Variants in HMGCLL1 observed in about 807,000 individuals in gnomAD.
HMGCLL1 encodes 3-hydroxymethyl-3-methylglutaryl-CoA lyase, cytoplasmic.
Under a neutral mutation model 39.1 loss-of-function variants are expected in HMGCLL1, and 36 were observed. The ratio of observed to expected loss-of-function variants is 0.92; its 90% confidence interval spans 0.71 to 1.22. The LOEUF (loss-of-function observed/expected upper bound fraction) is 1.22, where lower values mean the gene tolerates loss of function less well. Ranked by LOEUF, HMGCLL1 falls within the 50% of genes most tolerant of loss-of-function variation. HMGCLL1 has a pLI of 0.00. For synonymous variants in HMGCLL1, 149 were observed against 144.0 expected, an observed-to-expected ratio of 1.03 and a Z score of -0.25; for missense variants, 451 against 416.5, an observed-to-expected ratio of 1.08 and a Z score of -0.72.
chr6:55,645,592 G>T, the HMGCLL1 span, among the ~76,000 whole-genome samples: 1 of 151,932 alleles, frequency 6.6e-6, no homozygotes, highest in Admixed American at 6.6e-5. Flanking sequence ...CATTTTCTGA[G>T]AAGTTTTAAC....
chr6:55,677,023 G>A, the HMGCLL1 span, among the ~76,000 whole-genome samples: 2 of 152,220 alleles, frequency 1.3e-5, no homozygotes, highest in Admixed American at 1.3e-4. Context: ...TATACTCTGA[G>A]TGTTAGCAAA....
the HMGCLL1 span, among the ~76,000 whole-genome samples, chr6:55,635,914 A>T: frequency 6.6e-6 from 1 of 152,152 alleles, no homozygotes; most frequent in East Asian, 1.9e-4. Context: ...TGAACACAGA[A>T]GCTGCTCTGG....
chr6:55,561,271 A>G (rs977628975), intron 1 of HMGCLL1, among the ~76,000 whole-genome samples: 2 of 152,200 alleles, frequency 1.3e-5, no homozygotes, highest in African/African-American at 4.8e-5. Flanking sequence ...TAAAACATTG[A>G]TCCTTTTTGT....
intron 8 of HMGCLL1, among the ~76,000 whole-genome samples, chr6:55,438,178 A>T (rs1763446132): frequency 6.6e-6 from 1 of 152,114 alleles, no homozygotes; most frequent in Non-Finnish European, 1.5e-5. Flanking sequence ...TTATGTCATT[A>T]GCTTCTGATA....
At chr6:55,656,234 T>C in the HMGCLL1 span, among the ~76,000 whole-genome samples, 2 of 151,954 alleles carry the variant, frequency 1.3e-5, no homozygotes, top group African/African-American at 4.8e-5. Flanking sequence ...AATCTAGATG[T>C]CATGTTTTAC....
the HMGCLL1 span, among the ~76,000 whole-genome samples, chr6:55,642,834 C>T: frequency 6.6e-6 from 1 of 151,970 alleles, no homozygotes; most frequent in Admixed American, 6.6e-5. Flanking sequence ...TTGTTCCCCT[C>T]TTTGTGTTAA....
chr6:55,607,864 T>C, the HMGCLL1 span, among the ~76,000 whole-genome samples: 1 of 152,150 alleles, frequency 6.6e-6, no homozygotes, highest in Admixed American at 6.5e-5. Context: ...TGCCACTAAA[T>C]ATTTGTGAGT....
chr6:55,578,670 A>C lies in HMGCLL1; in HGVS notation c.108+278T>G, dbSNP rs556850800. Among the ~76,000 whole-genome samples, 9 of 152,332 alleles carry C rather than the reference A, an allele frequency of 5.9e-5. No individual in the cohort carries two copies. In the East Asian group the frequency reaches 1.7e-3, roughly 29 times the overall value. On this transcript the variant is annotated intron_variant, in intron 1 of 8. Coordinates refer to ENST00000274901, the MANE Select transcript of HMGCLL1 (RefSeq NM_001042406.2). ...ACGTAATGCATCCCTTTCCAGGAAAACACAGAGAAGGAATTCTTTTCTTTA... is the reference window on the plus strand; with the variant it reads ...ACGTAATGCATCCCTTTCCAGGAAACCACAGAGAAGGAATTCTTTTCTTTA...
At chr6:55,580,560 C>A (rs1420327358), upstream of HMGCLL1, among the ~76,000 whole-genome samples, 1 of 151,458 alleles carries the variant, frequency 6.6e-6, no homozygotes, top group East Asian at 1.9e-4. Context: ...GGACTACAGG[C>A]GCCGGCCGCC....
chr6:55,558,957 C>T (rs1008931441), intron 1 of HMGCLL1, among the ~76,000 whole-genome samples: 1 of 152,110 alleles, frequency 6.6e-6, no homozygotes, highest in Non-Finnish European at 1.5e-5. Flanking sequence ...CTGATTTCCA[C>T]CCCAAGGTAG....
chr6:55,510,506 T>C (rs1161049040), intron 5 of HMGCLL1, among the ~76,000 whole-genome samples: 1 of 150,452 alleles, frequency 6.6e-6, no homozygotes, highest in Middle Eastern at 3.2e-3. Context: ...ATGGATGAAA[T>C]TGGAAATCAT....
At chr6:55,551,301 A>C (rs948514578) in intron 1 of HMGCLL1, among the ~76,000 whole-genome samples, 2 of 151,904 alleles carry the variant, frequency 1.3e-5, no homozygotes, top group Non-Finnish European at 2.9e-5. Flanking sequence ...AAAATGAGAA[A>C]TAGGAGGACC....
At chr6:55,589,510 C>A in the HMGCLL1 span, among the ~76,000 whole-genome samples, 4 of 152,282 alleles carry the variant, frequency 2.6e-5, no homozygotes, top group African/African-American at 9.6e-5. Context: ...GATGCCCTCT[C>A]TCACCACTCC....
intron 1 of HMGCLL1, among the ~76,000 whole-genome samples, chr6:55,575,956 T>C (rs1332080641): frequency 6.6e-6 from 1 of 152,204 alleles, no homozygotes; most frequent in Non-Finnish European, 1.5e-5. Context: ...GTGATGCTTA[T>C]GGCCTATAAG....
At chr6:55,461,090 A>C (rs1262786589) in intron 7 of HMGCLL1, among the ~76,000 whole-genome samples, 1 of 152,024 alleles carries the variant, frequency 6.6e-6, no homozygotes, top group African/African-American at 2.4e-5. Flanking sequence ...GTAGGAAAAA[A>C]AATCTAACTT....
At chr6:55,467,417 A>G (rs1764840155) in intron 7 of HMGCLL1, among the ~76,000 whole-genome samples, 1 of 152,058 alleles carries the variant, frequency 6.6e-6, no homozygotes, top group South Asian at 2.1e-4. Context: ...AGTGGATACT[A>G]TTTCATTTCT....
At chr6:55,486,242 TA>T (rs1253680302) in intron 7 of HMGCLL1, among the ~76,000 whole-genome samples, 1 of 151,882 alleles carries the variant, frequency 6.6e-6, no homozygotes, top group East Asian at 1.9e-4. Flanking sequence ...TCTAAATATT[TA>T]AAAAATAATT....
At chr6:55,622,538 T>C in the HMGCLL1 span, among the ~76,000 whole-genome samples, 1 of 152,134 alleles carries the variant, frequency 6.6e-6, no homozygotes, top group Non-Finnish European at 1.5e-5. Flanking sequence ...ATATAGTTTT[T>C]GTCCTTCATT....
At chr6:55,633,434 T>C in the HMGCLL1 span, among the ~76,000 whole-genome samples, 2 of 151,218 alleles carry the variant, frequency 1.3e-5, no homozygotes, top group Non-Finnish European at 2.9e-5. Flanking sequence ...TAGCATAACA[T>C]AGGATTAAAC....
Sources: gnomAD v4.1 joint callset for allele counts (sites outside exome capture counted in the v4.1 genomes callset) on GRCh38, gnomAD v4.1.1 for gene constraint, MANE v1.5 for transcripts, NCBI Gene and HGNC (gene_info 2026-07-23, HGNC 2026-07-21) for gene names.